Variants in CPM observed in about 807,000 individuals in gnomAD.
CPM encodes renal carboxypeptidase.
Under a neutral mutation model 46.4 loss-of-function variants are expected in CPM, and 35 were observed. The observed-to-expected ratio is 0.75, with a 90% CI of 0.58 to 1.00. CPM has a LOEUF of 1.00. Ranked by LOEUF, CPM falls within the 50% of genes least tolerant of loss-of-function variation. The probability of loss-of-function intolerance (pLI) is 0.00; values close to 1 mark genes in which losing one functional copy is unlikely to be tolerated. For synonymous variants in CPM, 195 were observed against 195.3 expected, an observed-to-expected ratio of 1.00 and a Z score of 0.01; for missense variants, 422 against 530.4, an observed-to-expected ratio of 0.80 and a Z score of 2.01.
At chr12:68,870,110 A>G (rs1885624974) in intron 5 of CPM, 105 bp downstream of exon 5, 2 of 1,159,028 alleles carry the variant, frequency 1.7e-6, no homozygotes, top group South Asian at 3.1e-5. Flanking sequence ...TCACCCTGCC[A>G]GAGAAGTTAA....
At chr12:68,875,572 G>A (rs1885913233) in intron 3 of CPM, among the ~76,000 whole-genome samples, 1 of 152,108 alleles carries the variant, frequency 6.6e-6, no homozygotes, top group African/African-American at 2.4e-5. Flanking sequence ...TTGGAAGGCT[G>A]AGGCAGGCAG....
chr12:68,913,847 A>C (rs1353719976), intron 2 of CPM: 1 of 654,732 alleles, frequency 1.5e-6, no homozygotes, highest in Non-Finnish European at 2.9e-6. Context: ...AACAACTCCC[A>C]TGAGGATGCG....
At chr12:68,894,530 C>CCTTTA (rs1194951040) in intron 2 of CPM, among the ~76,000 whole-genome samples, 21 of 152,296 alleles carry the variant, frequency 1.4e-4, no homozygotes, top group African/African-American at 4.8e-4. Context: ...ACCCTAGGCA[C>CCTTTA]AGCCCCACCT....
chr12:68,869,956 T>C (rs1885618402), intron 5 of CPM, among the ~76,000 whole-genome samples: 1 of 152,226 alleles, frequency 6.6e-6, no homozygotes, highest in Non-Finnish European at 1.5e-5. Flanking sequence ...AAAATCTGAC[T>C]ATTTAGATTG....
chr12:68,903,361 GA>G (rs1336684453), intron 2 of CPM, among the ~76,000 whole-genome samples: 1 of 152,028 alleles, frequency 6.6e-6, no homozygotes. Flanking sequence ...ATATCCAAAG[GA>G]CCAACACTGA....
chr12:68,941,780 C>T (rs977685956), intron 1 of CPM, among the ~76,000 whole-genome samples: 1 of 152,152 alleles, frequency 6.6e-6, no homozygotes, highest in African/African-American at 2.4e-5. Context: ...TGGTACCTCC[C>T]CCAGTACTAA....
chr12:68,916,906 A>AAG lies in CPM; in HGVS notation c.160+15770_160+15771dup, dbSNP rs1248317169. ...CTTGTCTCAAAAAAAAAAAAAAAAA[A>AAG]AGAGAGAGAGAGAGAGAATCTCTGT... is the stretch of plus-strand genomic sequence containing the variant. On this transcript the variant is annotated intron_variant, in intron 2 of 8. Coordinates refer to ENST00000551568, the MANE Select transcript of CPM (RefSeq NM_198320.5). Among the ~76,000 whole-genome samples, 597 of 142,586 alleles carry AAG rather than the reference A, an allele frequency of 4.2e-3. 12 individuals are homozygous for AAG. Among genetic ancestry groups the AAG allele is most frequent in the Middle Eastern group, 0.011 (3 of 276 alleles). The allele number at this position is 142,586 out of a possible 152,430, so 93.5% of individuals were successfully genotyped here. A position where few individuals can be genotyped will look rare whatever the true frequency, so the allele number is the denominator to read the frequency against.
At chr12:68,885,533 T>C (rs2136251551) in intron 3 of CPM, among the ~76,000 whole-genome samples, 1 of 152,306 alleles carries the variant, frequency 6.6e-6, no homozygotes, top group East Asian at 1.9e-4. Context: ...ACTGTTGTTC[T>C]TCCGGCCCCA....
chr12:68,916,256 T>C lies in CPM; in HGVS notation c.160+16422A>G, dbSNP rs192219976. Among the ~76,000 whole-genome samples, 82 of 152,316 alleles carry C rather than the reference T, an allele frequency of 5.4e-4. 1 individual carries two copies. Among genetic ancestry groups the C allele is most frequent in the Admixed American group, 1.4e-3 (22 of 15,296 alleles). On this transcript the variant is annotated intron_variant, in intron 2 of 8. Transcript: ENST00000551568. ...TGTCAGTTTCTGTATAGGTTGGCAT[T>C]CATAGAATTTGTCTCCAAAATTGCT... is the stretch of plus-strand genomic sequence containing the variant.
chr12:68,892,328 G>A (rs1287535937), intron 2 of CPM, among the ~76,000 whole-genome samples: 1 of 152,202 alleles, frequency 6.6e-6, no homozygotes, highest in Non-Finnish European at 1.5e-5. Context: ...GAAATGGAAG[G>A]AGGGAGTCGA....
intron 2 of CPM, among the ~76,000 whole-genome samples, chr12:68,932,274 C>T (rs1253711935): frequency 1.3e-5 from 2 of 152,152 alleles, no homozygotes; most frequent in Non-Finnish European, 2.9e-5. Flanking sequence ...TTAAAAGAGA[C>T]ATGAAGAAAT....
chr12:68,924,911 C>T (rs1368288724), intron 2 of CPM, among the ~76,000 whole-genome samples: 1 of 152,170 alleles, frequency 6.6e-6, no homozygotes, highest in Non-Finnish European at 1.5e-5. Context: ...GTACTTTCCT[C>T]TTAGGAGCAA....
chr12:68,895,717 C>A (rs546256669), intron 2 of CPM, among the ~76,000 whole-genome samples: 1 of 152,096 alleles, frequency 6.6e-6, no homozygotes, highest in African/African-American at 2.4e-5. Flanking sequence ...CAGTGGCTCA[C>A]GCCTGTAATC....
At position 68,898,648 on chromosome 12, in the gene CPM, C is replaced by T. The variant is rs575262136; in HGVS notation, c.161-12759G>A. Among the ~76,000 whole-genome samples, 4 of 152,292 alleles carry T rather than the reference C, an allele frequency of 2.6e-5. No individual in the cohort carries two copies. In the South Asian group the frequency reaches 8.3e-4, roughly 32 times the overall value. ...CCAGCATTGAGCAGCACGTCACCTG[C>T]CTGAACACAGCATGTGAGATGAGAT... is the stretch of plus-strand genomic sequence containing the variant. On this transcript the variant is annotated intron_variant, in intron 2 of 8. Transcript: ENST00000551568.
chr12:68,844,473 T>G lies in CPM; in HGVS notation c.534-2144A>C, dbSNP rs1884090092. The G allele has an allele frequency of 1.8e-5, 4 of 228,444 alleles. No individual in the cohort carries two copies. In the East Asian group the frequency reaches 2.5e-4, roughly 14 times the overall value. The allele number at this position is 228,444 out of a possible 1,614,324, so 14.2% of individuals were successfully genotyped here. On this transcript the variant is annotated intron_variant, in intron 5 of 5. Coordinates refer to the CPM transcript ENST00000551897. ...CATGGCAGCCTGGCCTAAGTGATCG[T>G]GAATGGTCTATAAGGGAGGTAGCTG...
chr12:68,891,621 A>G (rs1266689335), intron 2 of CPM, among the ~76,000 whole-genome samples: 1 of 152,216 alleles, frequency 6.6e-6, no homozygotes, highest in Non-Finnish European at 1.5e-5. Flanking sequence ...TACCAAGAGT[A>G]TCAGTATCAC....
At chr12:68,955,854 C>T (rs968949382) in intron 1 of CPM, among the ~76,000 whole-genome samples, 1 of 152,088 alleles carries the variant, frequency 6.6e-6, no homozygotes, top group African/African-American at 2.4e-5. Context: ...ATGGATTGGT[C>T]CATGGGTGGC....
At chr12:68,913,956 C>T in intron 2 of CPM, 2 of 718,638 alleles carry the variant, frequency 2.8e-6, no homozygotes, top group Non-Finnish European at 5.3e-6. Flanking sequence ...CACAGAATAT[C>T]AAATTTGTGT....
chr12:68,929,945 A>G (rs1224436442), intron 2 of CPM, among the ~76,000 whole-genome samples: 1 of 152,250 alleles, frequency 6.6e-6, no homozygotes, highest in Non-Finnish European at 1.5e-5. Flanking sequence ...CATAGCACAT[A>G]TATTTAAGTT....
Sources: gnomAD v4.1 joint callset for allele counts (sites outside exome capture counted in the v4.1 genomes callset) on GRCh38, gnomAD v4.1.1 for gene constraint, MANE v1.5 for transcripts, NCBI Gene and HGNC (gene_info 2026-07-23, HGNC 2026-07-21) for gene names.